Variants in ALK observed in about 807,000 individuals in gnomAD.
ALK encodes ALK receptor tyrosine kinase, also known as ALK tyrosine kinase receptor.
A neutral mutation model predicts 163.1 loss-of-function variants in ALK; 74 were observed. The ratio of observed to expected loss-of-function variants is 0.45; its 90% CI spans 0.38 to 0.55. The LOEUF is 0.55. Ranked by LOEUF, ALK falls within the 20% of genes least tolerant of loss-of-function variation. ALK has a pLI of 0.00. For synonymous variants in ALK, 960 were observed against 843.2 expected, an observed-to-expected ratio of 1.14 and a Z score of -2.40; for missense variants, 2,063 against 2,105.3, an observed-to-expected ratio of 0.98 and a Z score of 0.39.
chr2:29,483,686 T>C (rs1671717808), intron 4 of ALK, among the ~76,000 whole-genome samples: 1 of 152,236 alleles, frequency 6.6e-6, no homozygotes, highest in Non-Finnish European at 1.5e-5. Flanking sequence ...CTTTTTACTA[T>C]TTTTCATTTA....
intron 3 of ALK, among the ~76,000 whole-genome samples, chr2:29,611,690 C>T (rs1425945298): frequency 6.6e-6 from 1 of 152,100 alleles, no homozygotes; most frequent in Non-Finnish European, 1.5e-5. Flanking sequence ...CTTCCTTCCC[C>T]CTTGCTGTTC....
intron 3 of ALK, among the ~76,000 whole-genome samples, chr2:29,561,600 T>C (rs1417524265): frequency 6.6e-6 from 1 of 152,220 alleles, no homozygotes; most frequent in African/African-American, 2.4e-5. Flanking sequence ...TAAATGTTCA[T>C]ATACCCTTCA....
At chr2:29,458,261 CA>C (rs1428172717) in intron 4 of ALK, among the ~76,000 whole-genome samples, 1 of 152,120 alleles carries the variant, frequency 6.6e-6, no homozygotes, top group East Asian at 1.9e-4. Flanking sequence ...ACTTGGGACA[CA>C]CAGCCTGGAA....
At chr2:29,908,219 G>A (rs1205949914) in intron 1 of ALK, among the ~76,000 whole-genome samples, 2 of 151,978 alleles carry the variant, frequency 1.3e-5, no homozygotes, top group African/African-American at 4.8e-5. Context: ...CTAACCTCTA[G>A]TTCAGAATAT....
chr2:29,388,654 G>T (rs1215958476), intron 4 of ALK, among the ~76,000 whole-genome samples: 1 of 152,306 alleles, frequency 6.6e-6, no homozygotes, highest in Non-Finnish European at 1.5e-5. Context: ...CTTAGCACAC[G>T]GTAGGAGCTC....
intron 1 of ALK, among the ~76,000 whole-genome samples, chr2:29,776,195 C>A: frequency 7.2e-6 from 1 of 139,304 alleles, no homozygotes; most frequent in African/African-American, 2.9e-5. Context: ...GGAACTGTAA[C>A]TACGCTAAGA....
intron 3 of ALK, among the ~76,000 whole-genome samples, chr2:29,633,872 A>G (rs1676450294): frequency 1.3e-5 from 2 of 152,180 alleles, no homozygotes; most frequent in South Asian, 4.1e-4. Flanking sequence ...CCAATATGAA[A>G]TAGGTAATTT....
At chr2:29,605,848 G>C (rs920712150) in intron 3 of ALK, among the ~76,000 whole-genome samples, 1 of 152,090 alleles carries the variant, frequency 6.6e-6, no homozygotes, top group African/African-American at 2.4e-5. Flanking sequence ...CTACCTGAAG[G>C]CTCACATGGA....
At chr2:29,579,631 A>C (rs1674622473) in intron 3 of ALK, among the ~76,000 whole-genome samples, 1 of 152,180 alleles carries the variant, frequency 6.6e-6, no homozygotes, top group South Asian at 2.1e-4. Context: ...CTCATCATAT[A>C]TGAGCCATCC....
chr2:29,620,988 G>A (rs1339151646), intron 3 of ALK, among the ~76,000 whole-genome samples: 3 of 152,148 alleles, frequency 2.0e-5, no homozygotes, highest in African/African-American at 7.2e-5. Context: ...AGGGAGAGTT[G>A]AATATGCAAA....
chr2:29,588,559 T>A (rs1674957376), intron 3 of ALK, among the ~76,000 whole-genome samples: 1 of 152,156 alleles, frequency 6.6e-6, no homozygotes, highest in Non-Finnish European at 1.5e-5. Context: ...TCTTTTTGTC[T>A]CTAGATTTGG....
intron 1 of ALK, among the ~76,000 whole-genome samples, chr2:29,756,446 A>G (rs1409445669): frequency 1.3e-5 from 2 of 151,944 alleles, no homozygotes; most frequent in African/African-American, 4.8e-5. Context: ...AATCCTCTAT[A>G]TACTGTGTTG....
intron 8 of ALK, among the ~76,000 whole-genome samples, chr2:29,302,284 G>C (rs1046206316): frequency 6.6e-6 from 1 of 152,194 alleles, no homozygotes; most frequent in Non-Finnish European, 1.5e-5. Flanking sequence ...TTGGGAGGCC[G>C]AGGCAGGTGG....
intron 4 of ALK, among the ~76,000 whole-genome samples, chr2:29,496,009 G>A (rs1308262963): frequency 1.3e-5 from 2 of 152,126 alleles, no homozygotes; most frequent in Admixed American, 1.3e-4. Context: ...AAAGAGGAAC[G>A]TTTTACAGAA....
chr2:29,808,070 C>T (rs1049823341), intron 1 of ALK, among the ~76,000 whole-genome samples: 4 of 152,146 alleles, frequency 2.6e-5, no homozygotes, highest in Non-Finnish European at 5.9e-5. Context: ...TTCATTTTAT[C>T]TCTTTTTTTA....
intron 22 of ALK, 75 bp downstream of exon 22, chr2:29,222,269 G>T (rs1357300758): frequency 7.5e-7 from 1 of 1,339,658 alleles, no homozygotes; most frequent in Non-Finnish European, 1.1e-6. Context: ...TGGAGATATC[G>T]ATCTGTTAGA....
At chr2:29,661,120 A>G (rs1433318425) in intron 3 of ALK, among the ~76,000 whole-genome samples, 2 of 152,184 alleles carry the variant, frequency 1.3e-5, no homozygotes, top group Non-Finnish European at 2.9e-5. Flanking sequence ...GATTTTATAT[A>G]TGTTGACTCA....
intron 3 of ALK, among the ~76,000 whole-genome samples, chr2:29,567,070 TA>T (rs1415759008): frequency 3.3e-5 from 5 of 152,270 alleles, no homozygotes; most frequent in East Asian, 1.9e-4. Flanking sequence ...ATTGATTTTT[TA>T]TTTTTTTATG....
chr2:29,532,133 A>T lies in ALK; in HGVS notation c.953-17T>A. On this transcript the variant is annotated splice_polypyrimidine_tract_variant and intron_variant, in intron 3 of 28. Coordinates refer to ENST00000389048, the MANE Select transcript of ALK (RefSeq NM_004304.5). ...GAAAGGAGCCTGGAAAGAGACAGGG[A>T]AAACGAATCTGCAGATGTGTTCAGG... The T allele has an allele frequency of 6.2e-7, 1 of 1,612,460 alleles. No individual in the cohort carries two copies. Among genetic ancestry groups the T allele is most frequent in the Non-Finnish European group, 8.5e-7 (1 of 1,178,852 alleles).
Sources: allele counts gnomAD v4.1 joint callset (sites outside exome capture counted in the v4.1 genomes callset), GRCh38; gene constraint gnomAD v4.1.1; transcripts MANE v1.5; gene names NCBI Gene and HGNC (gene_info 2026-07-23, HGNC 2026-07-21).